Variants in LARGE1 observed in about 807,000 individuals in gnomAD.
LARGE1 encodes xylosyl- and glucuronyltransferase LARGE1.
LARGE1 carries 43 observed loss-of-function variants against 87.6 expected under a neutral mutation model. The ratio of observed to expected loss-of-function variants is 0.49; its 90% CI spans 0.38 to 0.63. The LOEUF (loss-of-function observed/expected upper bound fraction) is 0.63, where lower values mean the gene tolerates loss of function less well. Ranked by LOEUF, LARGE1 falls within the 30% of genes least tolerant of loss-of-function variation. The probability of loss-of-function intolerance (pLI) is 0.00; values close to 1 mark genes in which losing one functional copy is unlikely to be tolerated. For missense variants in LARGE1, 802 were observed against 1,000.2 expected, an observed-to-expected ratio of 0.80 and a Z score of 2.67; for synonymous variants, 434 against 394.6, an observed-to-expected ratio of 1.10 and a Z score of -1.18.
At chr22:33,100,999 C>T in the LARGE1 span, among the ~76,000 whole-genome samples, 1 of 152,090 alleles carries the variant, frequency 6.6e-6, no homozygotes, top group Non-Finnish European at 1.5e-5. Flanking sequence ...GCAGGTGCTA[C>T]CACACCCGGC....
At chr22:33,318,251 A>G (rs1430414365) in intron 10 of LARGE1, among the ~76,000 whole-genome samples, 1 of 149,238 alleles carries the variant, frequency 6.7e-6, no homozygotes, top group East Asian at 1.9e-4. Flanking sequence ...AAAAAAAAAG[A>G]ATGGGAGGAC....
intron 5 of LARGE1, among the ~76,000 whole-genome samples, chr22:33,588,613 T>A (rs1034061351): frequency 6.6e-6 from 1 of 152,048 alleles, no homozygotes; most frequent in Non-Finnish European, 1.5e-5. Context: ...GTTGGAAAAT[T>A]AGAATATAAG....
intron 5 of LARGE1, 38 bp from the exon 6 acceptor site, chr22:33,565,057 G>GA (rs201800550): frequency 9.5e-6 from 15 of 1,582,126 alleles, no homozygotes; most frequent in Middle Eastern, 1.7e-4. Context: ...TGGAGAAAGG[G>GA]AAAAAAAATT....
intron 1 of LARGE1, among the ~76,000 whole-genome samples, chr22:33,778,920 G>C (rs2085332511): frequency 6.6e-6 from 1 of 152,072 alleles, no homozygotes; most frequent in African/African-American, 2.4e-5. Context: ...CAAAGTGCTG[G>C]GATTACCAGC....
chr22:33,846,696 C>G (rs183408622), intron 1 of LARGE1, among the ~76,000 whole-genome samples: 24 of 152,290 alleles, frequency 1.6e-4, no homozygotes, highest in African/African-American at 4.8e-4. Context: ...GGGTATAGGT[C>G]TATAAACGGC....
At chr22:33,303,331 T>C (rs73399586) in intron 12 of LARGE1, among the ~76,000 whole-genome samples, 6,487 of 152,126 alleles carry the variant, frequency 0.043, 444 homozygotes, top group African/African-American at 0.15. Context: ...CACCCCAGTT[T>C]CCCTTTCCTA....
At chr22:33,511,447 C>T (rs1289345497) in intron 6 of LARGE1, among the ~76,000 whole-genome samples, 2 of 152,124 alleles carry the variant, frequency 1.3e-5, no homozygotes, top group East Asian at 1.9e-4. Flanking sequence ...ATGATAAATT[C>T]CAGGGCACGT....
At chr22:33,599,908 A>C (rs1488419870) in intron 5 of LARGE1, among the ~76,000 whole-genome samples, 6 of 152,036 alleles carry the variant, frequency 3.9e-5, no homozygotes, top group African/African-American at 1.4e-4. Context: ...TGGTGTTTTA[A>C]TGTGTTTCCT....
intron 5 of LARGE1, among the ~76,000 whole-genome samples, chr22:33,581,734 C>T (rs924969113): frequency 4.6e-5 from 7 of 151,300 alleles, no homozygotes; most frequent in Non-Finnish European, 1.0e-4. Context: ...ATTGCTTGAA[C>T]CCAGGAGGCA....
intron 11 of LARGE1, among the ~76,000 whole-genome samples, chr22:33,180,877 C>A (rs899674093): frequency 6.6e-6 from 1 of 152,012 alleles, no homozygotes; most frequent in African/African-American, 2.4e-5. Context: ...ATAGGCAAAT[C>A]GAGAGACAAA....
the LARGE1 span, among the ~76,000 whole-genome samples, chr22:33,098,909 C>A: frequency 6.5e-3 from 988 of 152,252 alleles, 8 homozygotes; most frequent in African/African-American, 0.022. Flanking sequence ...GCTTACCTTC[C>A]CACAGATGCC....
At chr22:33,535,085 A>T (rs1480929675) in intron 6 of LARGE1, among the ~76,000 whole-genome samples, 1 of 152,250 alleles carries the variant, frequency 6.6e-6, no homozygotes, top group Non-Finnish European at 1.5e-5. Context: ...ACTGGCCTCA[A>T]GCCTTCTGAC....
intron 1 of LARGE1, chr22:33,873,413 G>C (rs1264003924): frequency 2.0e-5 from 3 of 152,324 alleles, no homozygotes; most frequent in Non-Finnish European, 4.4e-5. Context: ...AATGGTGTCA[G>C]ATGGAGCACT....
chr22:33,318,093 G>A (rs942574456), intron 10 of LARGE1, among the ~76,000 whole-genome samples: 4 of 151,904 alleles, frequency 2.6e-5, no homozygotes, highest in Non-Finnish European at 5.9e-5. Context: ...AAAATTAGCC[G>A]GACATGGTGG....
At chr22:33,367,663 G>A (rs1180521139) in intron 9 of LARGE1, among the ~76,000 whole-genome samples, 1 of 152,102 alleles carries the variant, frequency 6.6e-6, no homozygotes, top group African/African-American at 2.4e-5. Flanking sequence ...CTGAACTCAA[G>A]GGATCCTCCC....
intron 6 of LARGE1, among the ~76,000 whole-genome samples, chr22:33,457,539 T>C (rs1367315717): frequency 3.3e-5 from 5 of 151,996 alleles, no homozygotes; most frequent in African/African-American, 1.2e-4. Context: ...TAAAAAAAGA[T>C]ATAATTGCTG....
chr22:33,157,793 A>G (rs138590328), downstream of LARGE1, among the ~76,000 whole-genome samples: 254 of 152,332 alleles, frequency 1.7e-3, no homozygotes, highest in African/African-American at 5.9e-3. Flanking sequence ...AAAATAATAC[A>G]TTACTTTTCA....
rs184004085 is a variant in LARGE1 at position 33,370,527 on chromosome 22, A to G, written c.1131+11392T>C. Among the ~76,000 whole-genome samples, 652 of 152,330 alleles carry G rather than the reference A, an allele frequency of 4.3e-3. 3 individuals are homozygous for G. Among genetic ancestry groups the G allele is most frequent in the African/African-American group, 0.015 (617 of 41,572 alleles). The stretch of plus-strand genomic sequence containing the variant: ...AAGTTTAGCTATGTAAAAAGGTCCC[A>G]ATTTTGAGAGAAATATAATTTGAAT... On this transcript the variant is annotated intron_variant, in intron 9 of 14. Coordinates refer to ENST00000397394, the MANE Select transcript of LARGE1 (RefSeq NM_133642.5).
intron 11 of LARGE1, among the ~76,000 whole-genome samples, chr22:33,188,094 A>T (rs1437183762): frequency 6.6e-6 from 1 of 151,956 alleles, no homozygotes; most frequent in Non-Finnish European, 1.5e-5. Flanking sequence ...TATAATAAAC[A>T]TACTCAACTT....
Sources: gnomAD v4.1 joint callset for allele counts (sites outside exome capture counted in the v4.1 genomes callset) on GRCh38, gnomAD v4.1.1 for gene constraint, MANE v1.5 for transcripts, NCBI Gene and HGNC (gene_info 2026-07-23, HGNC 2026-07-21) for gene names.